Variants in PTPRG observed in about 807,000 individuals in gnomAD.
The protein encoded by PTPRG is receptor-type tyrosine-protein phosphatase gamma.
Under a neutral mutation model 165.3 loss-of-function variants are expected in PTPRG, and 102 were observed. The observed-to-expected ratio is 0.62, with a 90% CI of 0.53 to 0.73. The LOEUF is 0.73. Among genes scored for constraint, PTPRG ranks in the 30% least tolerant of loss-of-function variants. The probability of loss-of-function intolerance (pLI) is 0.00; values close to 1 mark genes in which losing one functional copy is unlikely to be tolerated. For synonymous variants in PTPRG, 675 were observed against 669.5 expected, an observed-to-expected ratio of 1.01 and a Z score of -0.13; for missense variants, 1,866 against 1,861.4, an observed-to-expected ratio of 1.00 and a Z score of -0.05.
intron 1 of PTPRG, among the ~76,000 whole-genome samples, chr3:61,654,514 A>G (rs549046720): frequency 9.9e-5 from 15 of 151,742 alleles, no homozygotes; most frequent in Non-Finnish European, 1.8e-4. Context: ...CCTCCTGAGT[A>G]GATGTGACTA....
intron 2 of PTPRG, among the ~76,000 whole-genome samples, chr3:61,810,284 A>G (rs2035536117): frequency 6.6e-6 from 1 of 152,234 alleles, no homozygotes; most frequent in Admixed American, 6.5e-5. Flanking sequence ...TGCAGGTAGG[A>G]TATCCAGGAA....
At chr3:62,265,235 T>C (rs938026454) in intron 17 of PTPRG, among the ~76,000 whole-genome samples, 1 of 152,232 alleles carries the variant, frequency 6.6e-6, no homozygotes, top group African/African-American at 2.4e-5. Context: ...ATTCTGTGCA[T>C]TGTCTTTTCA....
intron 6 of PTPRG, among the ~76,000 whole-genome samples, chr3:62,141,697 C>T (rs982698626): frequency 6.6e-5 from 10 of 150,450 alleles, no homozygotes; most frequent in Non-Finnish European, 1.2e-4. Flanking sequence ...GTCAGGAGTT[C>T]GAGACCAGCC....
intron 2 of PTPRG, among the ~76,000 whole-genome samples, chr3:61,786,773 C>A (rs918103848): frequency 1.3e-5 from 2 of 152,088 alleles, no homozygotes; most frequent in African/African-American, 4.8e-5. Flanking sequence ...AATGATCATT[C>A]TCTGATTACA....
intron 1 of PTPRG, among the ~76,000 whole-genome samples, chr3:61,702,751 GAAC>G (rs2031040212): frequency 1.3e-5 from 2 of 152,192 alleles, no homozygotes; most frequent in Admixed American, 1.3e-4. Flanking sequence ...ATAACTTAGG[GAAC>G]TCTTTTGGGT....
chr3:62,200,503 T>C (rs1449000088), intron 10 of PTPRG, among the ~76,000 whole-genome samples: 2 of 152,054 alleles, frequency 1.3e-5, no homozygotes, highest in African/African-American at 4.8e-5. Context: ...TCTCCTGACC[T>C]CATGATCCAC....
intron 1 of PTPRG, among the ~76,000 whole-genome samples, chr3:61,578,959 T>A (rs1356513515): frequency 2.0e-5 from 3 of 152,140 alleles, no homozygotes; most frequent in Non-Finnish European, 4.4e-5. Context: ...TAAACAAGGA[T>A]GTTAAAGTCT....
chr3:61,758,092 G>T (rs1016561563), intron 2 of PTPRG, among the ~76,000 whole-genome samples: 8 of 152,086 alleles, frequency 5.3e-5, no homozygotes, highest in South Asian at 2.1e-4. Flanking sequence ...TTGAGACAAG[G>T]TCTCACTCTG....
rs562243214 is a variant in PTPRG at position 62,042,655 on chromosome 3, C to T, written c.520-35508C>T. 2.4e-3 allele frequency among the ~76,000 whole-genome samples: 360 copies of T among 152,310 alleles called. 2 individuals carry two copies. Among genetic ancestry groups the T allele is most frequent in the African/African-American group, 8.4e-3 (349 of 41,572 alleles). On this transcript the variant is annotated intron_variant, in intron 4 of 29. Coordinates refer to ENST00000474889, the MANE Select transcript of PTPRG (RefSeq NM_002841.4). ...GCTTCAGGGTCTCCTCCAACCTCCA[C>T]TCCAGTTCCTCTACTAGGTGTTCCT...
At chr3:61,766,264 A>G (rs1472338573) in intron 2 of PTPRG, among the ~76,000 whole-genome samples, 1 of 152,180 alleles carries the variant, frequency 6.6e-6, no homozygotes, top group Non-Finnish European at 1.5e-5. Context: ...CTCAAATTGG[A>G]GAAGGTCATG....
At chr3:61,600,757 T>G (rs564770620) in intron 1 of PTPRG, among the ~76,000 whole-genome samples, 1 of 151,974 alleles carries the variant, frequency 6.6e-6, no homozygotes, top group Admixed American at 6.6e-5. Flanking sequence ...CCGAGGCTGG[T>G]CTCAAACTCC....
intron 2 of PTPRG, among the ~76,000 whole-genome samples, chr3:61,755,687 G>C (rs559084297): frequency 5.9e-5 from 9 of 152,306 alleles, no homozygotes; most frequent in Admixed American, 5.2e-4. Context: ...CCTTGAGCCT[G>C]GAGGGCTCTG....
intron 4 of PTPRG, among the ~76,000 whole-genome samples, chr3:62,031,898 G>T (rs1387911081): frequency 6.6e-6 from 1 of 152,134 alleles, no homozygotes; most frequent in East Asian, 1.9e-4. Context: ...AGGAGGAAGA[G>T]GATGAATTCT....
chr3:61,641,894 C>T (rs1394306451), intron 1 of PTPRG, among the ~76,000 whole-genome samples: 7 of 152,090 alleles, frequency 4.6e-5, no homozygotes, highest in African/African-American at 1.4e-4. Context: ...ATTTAATGGC[C>T]TGGGTGCCTT....
chr3:61,658,473 G>A (rs1702571605), intron 1 of PTPRG, among the ~76,000 whole-genome samples: 1 of 152,214 alleles, frequency 6.6e-6, no homozygotes, highest in South Asian at 2.1e-4. Flanking sequence ...CCTTGGGAAA[G>A]TTAGATAACA....
chr3:61,898,844 C>G (rs1178527166), intron 2 of PTPRG, among the ~76,000 whole-genome samples: 1 of 152,134 alleles, frequency 6.6e-6, no homozygotes, highest in Admixed American at 6.5e-5. Flanking sequence ...CTGACTTGAG[C>G]CTTGGTTCTG....
At chr3:62,269,202 TC>T in intron 20 of PTPRG, 33 bp downstream of exon 20, 1 of 1,533,902 alleles carries the variant, frequency 6.5e-7, no homozygotes, top group Non-Finnish European at 8.9e-7. Flanking sequence ...TGCCAGGGCA[TC>T]CCCTTTTTAT....
At chr3:61,944,715 A>G (rs1177163413) in intron 2 of PTPRG, among the ~76,000 whole-genome samples, 3 of 152,242 alleles carry the variant, frequency 2.0e-5, no homozygotes. Flanking sequence ...CAATTTTAAT[A>G]TAGTCTATCC....
intron 2 of PTPRG, among the ~76,000 whole-genome samples, chr3:61,945,560 CAAAAA>C (rs71123242): frequency 0.16 from 8,722 of 54,750 alleles, 144 homozygotes; most frequent in Admixed American, 0.21. Flanking sequence ...ACTCCGTCAC[CAAAAA>C]AAAAAAAAAA....
Sources: allele counts gnomAD v4.1 joint callset (sites outside exome capture counted in the v4.1 genomes callset), GRCh38; gene constraint gnomAD v4.1.1; transcripts MANE v1.5; gene names NCBI Gene and HGNC (gene_info 2026-07-23, HGNC 2026-07-21).